The following MYO9A variants were observed in gnomAD, a reference collection of about 807,000 sequenced individuals.
The protein encoded by MYO9A is unconventional myosin-IXa.
MYO9A carries 103 observed loss-of-function variants against 293.3 expected under a neutral mutation model. The ratio of observed to expected loss-of-function variants is 0.35; its 90% CI spans 0.30 to 0.41. MYO9A has a LOEUF of 0.41. MYO9A is among the 10% of genes least tolerant of loss of function. MYO9A has a pLI of 1.00. For synonymous variants in MYO9A, 1,001 were observed against 1,035.7 expected (o/e 0.97, Z 0.64); for missense variants, 2,685 against 3,033.0 (o/e 0.89, Z 2.69).
chr15:72,105,502 CTTTTTTT>C (rs35861022), intron 1 of MYO9A, among the ~76,000 whole-genome samples: 2 of 89,270 alleles, frequency 2.2e-5, no homozygotes, highest in African/African-American at 4.4e-5. Context: ...GCTGGGAAAG[CTTTTTTT>C]TTTTTTTTTT....
intron 22 of MYO9A, 120 bp downstream of exon 22, chr15:71,902,821 A>G: frequency 1.3e-6 from 1 of 786,838 alleles, no homozygotes; most frequent in South Asian, 2.4e-5. Flanking sequence ...CCTGGGCCTA[A>G]CCAATTGTCT....
intron 6 of MYO9A, among the ~76,000 whole-genome samples, chr15:72,011,728 T>C (rs770284635): frequency 1.1e-4 from 16 of 152,220 alleles, no homozygotes; most frequent in Non-Finnish European, 1.9e-4. Context: ...AAGTGAGTCA[T>C]AAATCTCTTT....
intron 18 of MYO9A, among the ~76,000 whole-genome samples, chr15:71,922,607 A>AC (rs1391258629): frequency 6.6e-6 from 1 of 151,388 alleles, no homozygotes; most frequent in Admixed American, 6.6e-5. Context: ...TCCCTTTCCC[A>AC]CCCTTATACC....
intron 8 of MYO9A, 124 bp from the exon 9 acceptor site, chr15:72,000,064 AG>A: frequency 1.5e-6 from 1 of 660,164 alleles, no homozygotes; most frequent in South Asian, 2.4e-5. Flanking sequence ...CAGAGAAAAA[AG>A]GCAATACACT....
At chr15:72,004,518 C>T (rs1462955261) in intron 8 of MYO9A, among the ~76,000 whole-genome samples, 15 of 152,090 alleles carry the variant, frequency 9.9e-5, no homozygotes, top group African/African-American at 3.6e-4. Context: ...GATTGCACCA[C>T]TGCACTCCAG....
chr15:72,102,499 T>TAA (rs55804686), intron 1 of MYO9A, among the ~76,000 whole-genome samples: 6 of 114,460 alleles, frequency 5.2e-5, no homozygotes, highest in African/African-American at 2.1e-4. Flanking sequence ...TAAATAAATT[T>TAA]AAAAAAAAAA....
chr15:72,029,017 T>C (rs1319764073), intron 3 of MYO9A, among the ~76,000 whole-genome samples: 4 of 152,168 alleles, frequency 2.6e-5, no homozygotes, highest in Admixed American at 6.5e-5. Context: ...CAGGATATTA[T>C]GCGTACACAA....
chr15:71,929,111 G>C (rs2058407489), intron 18 of MYO9A, among the ~76,000 whole-genome samples: 1 of 149,600 alleles, frequency 6.7e-6, no homozygotes, highest in Admixed American at 6.7e-5. Flanking sequence ...GCTGATTTTT[G>C]TATGTTGACT....
intron 11 of MYO9A, among the ~76,000 whole-genome samples, chr15:71,981,750 T>C (rs1458099826): frequency 1.3e-5 from 2 of 151,800 alleles, no homozygotes; most frequent in Non-Finnish European, 2.9e-5. Context: ...TCCTCTCCCA[T>C]GGTATATTTG....
chr15:72,032,899 G>GGA (rs1209461635), intron 2 of MYO9A, among the ~76,000 whole-genome samples: 1 of 152,224 alleles, frequency 6.6e-6, no homozygotes, highest in Non-Finnish European at 1.5e-5. Flanking sequence ...CGCCTAGGCT[G>GGA]GAGTGCAGTG....
At chr15:72,104,026 TAC>T (rs760780133) in intron 1 of MYO9A, among the ~76,000 whole-genome samples, 2 of 152,240 alleles carry the variant, frequency 1.3e-5, no homozygotes, top group African/African-American at 2.4e-5. Context: ...CGGTTCAACT[TAC>T]AGTTTTTCAA....
intron 19 of MYO9A, among the ~76,000 whole-genome samples, chr15:71,909,957 T>G (rs919549569): frequency 1.3e-5 from 2 of 151,726 alleles, no homozygotes; most frequent in Admixed American, 6.6e-5. Context: ...AACATTTTAT[T>G]TATGAGACTC....
intron 15 of MYO9A, among the ~76,000 whole-genome samples, chr15:71,942,200 AAC>A (rs2058795480): frequency 6.6e-6 from 1 of 152,120 alleles, no homozygotes; most frequent in African/African-American, 2.4e-5. Context: ...ACACAATCAG[AAC>A]ACAAAATACA....
chr15:71,830,002 G>C, intron 40 of MYO9A, 107 bp downstream of exon 40: 2 of 1,118,724 alleles, frequency 1.8e-6, no homozygotes, highest in Non-Finnish European at 2.7e-6. Flanking sequence ...ATCTGACACA[G>C]TGTTTAACAC....
In MYO9A at chr15:71,935,366, G is replaced by C; in HGVS notation, c.2497C>G (p.Leu833Val). The C allele has an allele frequency of 6.2e-7, 1 of 1,613,558 alleles. No homozygotes were observed. Among genetic ancestry groups the C allele is most frequent in the Non-Finnish European group, 8.5e-7 (1 of 1,179,636 alleles). ...GTGAGAATTCCATGGGCTCTCTCCA[G>C]GAGTTTGCTGCTAGTTGAATTAGCA... ...IFANSTSSKL[L>V]ERAHGILTRN... The change falls in exon 17 of 42, where the codon CTG becomes GTG. Residue 833 changes from leucine (L) to valine (V), a missense_variant. Physicochemically the swap from Leu to Val is conservative, Grantham distance 32. This residue lies in a region of MYO9A where 1,434 missense variants were observed against 1,497.7 expected (regional missense o/e 0.96). Transcript: ENST00000356056.
chr15:72,088,883 T>A (rs1394874176), intron 1 of MYO9A, among the ~76,000 whole-genome samples: 1 of 152,222 alleles, frequency 6.6e-6, no homozygotes, highest in Non-Finnish European at 1.5e-5. Flanking sequence ...ATGCCAGGGT[T>A]GATTTTTCTA....
chr15:71,831,542 A>T (rs996420315), intron 39 of MYO9A, among the ~76,000 whole-genome samples: 1 of 152,198 alleles, frequency 6.6e-6, no homozygotes, highest in South Asian at 2.1e-4. Flanking sequence ...ATAAGAGTAA[A>T]CTGAAATTAT....
At chr15:71,977,776 G>T (rs2076179746) in intron 12 of MYO9A, among the ~76,000 whole-genome samples, 1 of 152,164 alleles carries the variant, frequency 6.6e-6, no homozygotes, top group Non-Finnish European at 1.5e-5. Flanking sequence ...GGTGGCTCAC[G>T]CCTGTAATCC....
At chr15:71,956,350 T>TATATATATATATATATATATATAA (rs1475961500) in intron 14 of MYO9A, among the ~76,000 whole-genome samples, 6 of 121,166 alleles carry the variant, frequency 5.0e-5, no homozygotes, top group African/African-American at 2.0e-4. Flanking sequence ...TATATATATA[T>TATATATATATATATATATATATAA]AAAATACGCC....
Sources: gnomAD v4.1 joint callset for allele counts (sites outside exome capture counted in the v4.1 genomes callset) on GRCh38, gnomAD v4.1.1 for gene constraint, gnomAD v4.1.1 regional missense constraint, MANE v1.5 for transcripts, NCBI Gene and HGNC (gene_info 2026-07-23, HGNC 2026-07-21) for gene names.